The following CBR4 variants were observed in gnomAD, a reference collection of about 807,000 sequenced individuals.
CBR4 encodes 3-oxoacyl-[acyl-carrier-protein] reductase.
Under a neutral mutation model 21.0 loss-of-function variants are expected in CBR4, and 22 were observed. The observed-to-expected ratio is 1.05, with a 90% CI of 0.75 to 1.50. CBR4 has a LOEUF of 1.50. Among genes scored for constraint, CBR4 ranks in the 40% most tolerant of loss-of-function variants. The pLI is 0.00. For synonymous variants in CBR4, 100 were observed against 104.4 expected (o/e 0.96, Z 0.26); for missense variants, 302 against 286.3 (o/e 1.05, Z -0.40).
At chr4:168,990,748 T>C (rs1764878485) in intron 4 of CBR4, among the ~76,000 whole-genome samples, 1 of 151,426 alleles carries the variant, frequency 6.6e-6, no homozygotes, top group Non-Finnish European at 1.5e-5. Flanking sequence ...TAATAAACCT[T>C]GTTTATATAA....
At chr4:168,950,692 G>A (rs1380173412) in intron 2 of CBR4, among the ~76,000 whole-genome samples, 1 of 152,154 alleles carries the variant, frequency 6.6e-6, no homozygotes, top group East Asian at 1.9e-4. Context: ...GAGTACTGAA[G>A]TCTCCCACTA....
chr4:168,913,608 T>G (rs183389650), intron 2 of CBR4, among the ~76,000 whole-genome samples: 1 of 152,060 alleles, frequency 6.6e-6, no homozygotes. Flanking sequence ...TTCAACATCA[T>G]GTGTTACGGA....
intron 2 of CBR4, among the ~76,000 whole-genome samples, chr4:168,969,843 C>G (rs1392327950): frequency 3.9e-5 from 6 of 152,306 alleles, no homozygotes; most frequent in African/African-American, 1.2e-4. Flanking sequence ...CACTCCAAAT[C>G]TACTAAATCA....
chr4:168,963,241 A>G (rs574004033), intron 2 of CBR4, among the ~76,000 whole-genome samples: 3 of 152,340 alleles, frequency 2.0e-5, no homozygotes, highest in African/African-American at 7.2e-5. Context: ...TCCTGATGTT[A>G]TCATAGCACC....
Position 168,943,863 on chromosome 4 carries a change from C to T in CBR4, n.170-49098G>A, listed in dbSNP as rs560820337. Among the ~76,000 whole-genome samples, 33 of 151,796 alleles carry T rather than the reference C, an allele frequency of 2.2e-4. 1 individual carries two copies. Among genetic ancestry groups the T allele is most frequent in the Admixed American group, 7.2e-4 (11 of 15,222 alleles). On this transcript the variant is annotated intron_variant and non_coding_transcript_variant, in intron 2 of 3. Coordinates refer to the CBR4 transcript ENST00000509108. Reference sequence around the variant, plus strand: ...AGGTGGGGGCTGCAGTGAGCCGAGACGGAGCTACTGCACTCCAGCCTGGGT... The same window carrying T: ...AGGTGGGGGCTGCAGTGAGCCGAGATGGAGCTACTGCACTCCAGCCTGGGT...
chr4:168,931,908 C>T (rs1553987438), intron 2 of CBR4, among the ~76,000 whole-genome samples: 2 of 151,780 alleles, frequency 1.3e-5, no homozygotes, highest in Admixed American at 6.6e-5. Context: ...CACACCCCCC[C>T]TAACTGACAC....
Position 168,904,284 on chromosome 4 carries a change from GC to G in CBR4, n.170-9520del, listed in dbSNP as rs199915552. On this transcript the variant is annotated intron_variant and non_coding_transcript_variant, in intron 2 of 3. Coordinates refer to the CBR4 transcript ENST00000509108. ...AAATAAAGGAGAAAAAGAGTGAGTG[GC>G]ATGCATAGGCTGTATAAGAAAAACT... 5.1e-3 allele frequency: 1,109 copies of G among 216,914 alleles called. 8 individuals carry two copies. Among genetic ancestry groups the G allele is most frequent in the Admixed American group, 5.2e-3 (103 of 19,874 alleles). 13.4% of individuals were successfully genotyped at this position (216,914 alleles called of 1,614,324 possible). A position where few individuals can be genotyped will look rare whatever the true frequency, so the allele number is the denominator to read the frequency against.
chr4:168,937,432 T>A (rs1190423732), intron 2 of CBR4, among the ~76,000 whole-genome samples: 1 of 152,064 alleles, frequency 6.6e-6, no homozygotes, highest in Non-Finnish European at 1.5e-5. Context: ...GCTAGCATCA[T>A]AATGACAGGA....
intron 4 of CBR4, among the ~76,000 whole-genome samples, chr4:168,995,798 G>C (rs777521232): frequency 2.0e-5 from 3 of 152,030 alleles, no homozygotes; most frequent in Admixed American, 6.6e-5. Flanking sequence ...ACAGACATGT[G>C]ATCCCCCAAA....
chr4:168,989,514 C>T lies in CBR4; in HGVS notation c.*636G>A, dbSNP rs1260580534. 1 of 985,352 alleles carries T rather than the reference C, an allele frequency of 1.0e-6. No individual in the cohort carries two copies. The highest frequency in any genetic ancestry group is 1.2e-6 in the Non-Finnish European group (1 of 829,892). The allele number at this position is 985,352 out of a possible 1,614,324, so 61.0% of individuals were successfully genotyped here. ...CTATGTTTTGCAACCTGTATAAAAA[C>T]TGATCACCCAAGCACATGCAAAAGG... On this transcript the variant is annotated 3_prime_UTR_variant, in exon 5 of 5. Transcript: ENST00000306193.
At chr4:168,997,945 A>C (rs1314449217) in intron 4 of CBR4, among the ~76,000 whole-genome samples, 2 of 152,182 alleles carry the variant, frequency 1.3e-5, no homozygotes, top group Admixed American at 1.3e-4. Flanking sequence ...TTTAACTAGA[A>C]CAAATTTCTA....
chr4:169,001,704 T>A (rs1437757954), intron 4 of CBR4: 1 of 154,288 alleles, frequency 6.5e-6, no homozygotes, highest in Non-Finnish European at 1.4e-5. Flanking sequence ...TATCCCCATA[T>A]GACTTGGCTG....
At chr4:168,973,624 A>G (rs1764280867) in intron 2 of CBR4, among the ~76,000 whole-genome samples, 3 of 152,224 alleles carry the variant, frequency 2.0e-5, no homozygotes, top group Admixed American at 2.0e-4. Flanking sequence ...CACCACACCC[A>G]GCCCCAATTC....
At chr4:168,962,274 A>T (rs1763886465) in intron 2 of CBR4, among the ~76,000 whole-genome samples, 1 of 152,204 alleles carries the variant, frequency 6.6e-6, no homozygotes, top group South Asian at 2.1e-4. Context: ...CATATATTAC[A>T]TTCACAGCAA....
At chr4:168,925,833 C>T (rs1344617679) in intron 2 of CBR4, among the ~76,000 whole-genome samples, 1 of 152,108 alleles carries the variant, frequency 6.6e-6, no homozygotes, top group South Asian at 2.1e-4. Context: ...AGTGTTAAAG[C>T]ATCCACATCC....
At chr4:168,926,134 T>G (rs1184440465) in intron 2 of CBR4, 8 of 1,192,626 alleles carry the variant, frequency 6.7e-6, no homozygotes, top group Non-Finnish European at 1.1e-6. Flanking sequence ...ATCTAGACAT[T>G]CTGTATTTAT....
At chr4:168,900,334 G>A (rs1295707756) in intron 2 of CBR4, among the ~76,000 whole-genome samples, 1 of 151,946 alleles carries the variant, frequency 6.6e-6, no homozygotes, top group Non-Finnish European at 1.5e-5. Flanking sequence ...AGAAGGCCAA[G>A]TATTGCACAA....
In CBR4 at chr4:168,925,071, C is replaced by T. The variant is rs115937217; in HGVS notation, n.170-30306G>A. Reference sequence around the variant, plus strand: ...TTGTGTCCTGTACTGCCAGGCTGGACGTTTACAGTGAGTGCCACTTCATCT... The same window carrying T: ...TTGTGTCCTGTACTGCCAGGCTGGATGTTTACAGTGAGTGCCACTTCATCT... On this transcript the variant is annotated intron_variant and non_coding_transcript_variant, in intron 2 of 3. Coordinates refer to the CBR4 transcript ENST00000509108. 3.5e-5 allele frequency: 57 copies of T among 1,613,998 alleles called. No homozygotes were observed. The African/African-American group carries it at 3.9e-4, about 11-fold the overall frequency.
chr4:168,921,333 G>A (rs1473992412), intron 2 of CBR4, among the ~76,000 whole-genome samples: 1 of 149,288 alleles, frequency 6.7e-6, no homozygotes, highest in African/African-American at 2.5e-5. Context: ...CTTGAACCCG[G>A]GAGGCAGAGG....
Sources: gnomAD v4.1 joint callset for allele counts (sites outside exome capture counted in the v4.1 genomes callset) on GRCh38, gnomAD v4.1.1 for gene constraint, MANE v1.5 for transcripts, NCBI Gene and HGNC (gene_info 2026-07-23, HGNC 2026-07-21) for gene names.